Variants in QTMAN observed in about 807,000 individuals in gnomAD.
QTMAN encodes the protein tRNA-queuosine alpha-mannosyltransferase.
the QTMAN span, among the ~76,000 whole-genome samples, chr2:143,991,672 G>A: frequency 8.2e-4 from 103 of 125,314 alleles, no homozygotes; most frequent in Admixed American, 1.3e-3. Flanking sequence ...CAGCCGCCCC[G>A]TCTGGGAGGG....
chr2:143,961,220 G>A, the QTMAN span, among the ~76,000 whole-genome samples: 1 of 152,106 alleles, frequency 6.6e-6, no homozygotes, highest in South Asian at 2.1e-4. Context: ...CTCATTCCCT[G>A]TTGTGCTGCT....
chr2:144,108,353 AC>A, the QTMAN span, among the ~76,000 whole-genome samples: 1 of 151,902 alleles, frequency 6.6e-6, no homozygotes, highest in African/African-American at 2.4e-5. Flanking sequence ...TATTTAGAAA[AC>A]CCCGGCCAGG....
the QTMAN span, among the ~76,000 whole-genome samples, chr2:144,043,299 G>C: frequency 6.6e-6 from 1 of 151,302 alleles, no homozygotes; most frequent in Non-Finnish European, 1.5e-5. Context: ...TATATGTGTT[G>C]GGAAATTTCC....
chr2:144,330,777 A>C, the QTMAN span, among the ~76,000 whole-genome samples: 3 of 152,252 alleles, frequency 2.0e-5, no homozygotes, highest in African/African-American at 7.2e-5. Context: ...TTAAGTGTTT[A>C]GTTAATGAAG....
chr2:143,982,853 C>CAAAAAAAAAAA, the QTMAN span, among the ~76,000 whole-genome samples: 1 of 61,042 alleles, frequency 1.6e-5, no homozygotes, highest in Non-Finnish European at 3.7e-5. Flanking sequence ...GACTCTGTCT[C>CAAAAAAAAAAA]AAAAAAAAAA....
the QTMAN span, among the ~76,000 whole-genome samples, chr2:144,059,849 T>C: frequency 5.9e-5 from 9 of 152,178 alleles, no homozygotes; most frequent in Admixed American, 3.3e-4. Flanking sequence ...AATCAGGTGT[T>C]AGCCAAAATT....
chr2:144,096,991 A>G, the QTMAN span, among the ~76,000 whole-genome samples: 1 of 152,246 alleles, frequency 6.6e-6, no homozygotes, highest in Non-Finnish European at 1.5e-5. Flanking sequence ...ATAATCATCT[A>G]TATAATTTCC....
chr2:144,005,341 T>C, the QTMAN span, among the ~76,000 whole-genome samples: 1 of 152,136 alleles, frequency 6.6e-6, no homozygotes. Context: ...TGTGTGATAA[T>C]ATCCCCCTTC....
the QTMAN span, among the ~76,000 whole-genome samples, chr2:144,114,867 C>T: frequency 6.6e-6 from 1 of 152,098 alleles, no homozygotes; most frequent in African/African-American, 2.4e-5. Flanking sequence ...AATCAAAATA[C>T]ACCAGAACAT....
chr2:144,118,979 G>A, the QTMAN span, among the ~76,000 whole-genome samples: 1 of 152,164 alleles, frequency 6.6e-6, no homozygotes, highest in East Asian at 1.9e-4. Flanking sequence ...AACTTACTCA[G>A]GGTCTGGATG....
chr2:144,024,412 T>C, the QTMAN span, among the ~76,000 whole-genome samples: 2 of 152,350 alleles, frequency 1.3e-5, no homozygotes, highest in African/African-American at 2.4e-5. Flanking sequence ...ATTCTATGCT[T>C]TTCTGGGTCC....
the QTMAN span, among the ~76,000 whole-genome samples, chr2:144,254,741 T>C: frequency 1.3e-5 from 2 of 152,238 alleles, no homozygotes; most frequent in Admixed American, 6.5e-5. Flanking sequence ...CACGAGCCCA[T>C]GGAAGCAGTC....
chr2:144,212,494 C>T, the QTMAN span, among the ~76,000 whole-genome samples: 9 of 151,860 alleles, frequency 5.9e-5, no homozygotes, highest in South Asian at 1.0e-3. Context: ...AAAACAACAA[C>T]GAAAGAATAC....
chr2:144,154,062 T>C, the QTMAN span, among the ~76,000 whole-genome samples: 1 of 152,214 alleles, frequency 6.6e-6, no homozygotes, highest in African/African-American at 2.4e-5. Flanking sequence ...TTAAGATTAG[T>C]ATGTGACTCA....
the QTMAN span, among the ~76,000 whole-genome samples, chr2:144,096,121 G>T: frequency 6.6e-6 from 1 of 152,166 alleles, no homozygotes; most frequent in African/African-American, 2.4e-5. Flanking sequence ...CATTCTTGAA[G>T]AATATTTCTT....
chr2:143,975,506 G>A, the QTMAN span, among the ~76,000 whole-genome samples: 1 of 152,172 alleles, frequency 6.6e-6, no homozygotes, highest in Non-Finnish European at 1.5e-5. Flanking sequence ...TAAGGACCCA[G>A]TACCTAGCCA....
chr2:144,095,621 C>G, the QTMAN span, among the ~76,000 whole-genome samples: 1 of 152,006 alleles, frequency 6.6e-6, no homozygotes, highest in African/African-American at 2.4e-5. Flanking sequence ...AGAGGGAAAA[C>G]GCTGGTATGC....
chr2:144,022,324 C>A, the QTMAN span, among the ~76,000 whole-genome samples: 1 of 151,644 alleles, frequency 6.6e-6, no homozygotes, highest in Non-Finnish European at 1.5e-5. Context: ...GGGTCTTACT[C>A]TGTTGCCCGG....
the QTMAN span, among the ~76,000 whole-genome samples, chr2:144,054,480 T>C: frequency 6.6e-6 from 1 of 152,174 alleles, no homozygotes; most frequent in South Asian, 2.1e-4. Context: ...GAGCCTGAAG[T>C]CACATGAGTA....
Sources: allele counts gnomAD v4.1 joint callset (sites outside exome capture counted in the v4.1 genomes callset), GRCh38; gene constraint gnomAD v4.1.1; transcripts MANE v1.5; gene names NCBI Gene and HGNC (gene_info 2026-07-23, HGNC 2026-07-21).